The following BLOC1S3 variants were observed in gnomAD, a reference collection of about 807,000 sequenced individuals.
BLOC1S3 encodes biogenesis of lysosome-related organelles complex 1 subunit 3.
BLOC1S3 carries 7 observed loss-of-function variants against 9.1 expected under a neutral mutation model. The ratio of observed to expected loss-of-function variants is 0.77; its 90% CI spans 0.44 to 1.45. The LOEUF (loss-of-function observed/expected upper bound fraction) is 1.45, where lower values mean the gene tolerates loss of function less well. Ranked by LOEUF, BLOC1S3 falls within the 40% of genes most tolerant of loss-of-function variation. The probability of loss-of-function intolerance (pLI) is 0.01; values close to 1 mark genes in which losing one functional copy is unlikely to be tolerated. For missense variants in BLOC1S3, 307 were observed against 315.2 expected (o/e 0.97, Z 0.20); for synonymous variants, 145 against 158.4 (o/e 0.92, Z 0.64).
intron 2 of BLOC1S3, among the ~76,000 whole-genome samples, chr19:45,198,015 G>A (rs1017817180): frequency 2.0e-5 from 3 of 151,974 alleles, no homozygotes; most frequent in Admixed American, 1.3e-4. Flanking sequence ...TGTTGAGCCC[G>A]AGGTCACTGG....
At chr19:45,211,800 GA>G (rs34745825) in intron 3 of BLOC1S3, among the ~76,000 whole-genome samples, 53,588 of 143,748 alleles carry the variant, frequency 0.37, 10,025 homozygotes, top group Middle Eastern at 0.56. Context: ...ACTTCTCAGG[GA>G]AAAAAAAAAA....
chr19:45,216,041 C>A (rs765623086), intron 3 of BLOC1S3: 1 of 1,610,054 alleles, frequency 6.2e-7, no homozygotes, highest in Non-Finnish European at 8.5e-7. Flanking sequence ...CGGCCAGGCA[C>A]GGCGAGCCCT....
chr19:45,204,522 C>T (rs1969713468), intron 3 of BLOC1S3, among the ~76,000 whole-genome samples: 1 of 151,950 alleles, frequency 6.6e-6, no homozygotes, highest in Non-Finnish European at 1.5e-5. Flanking sequence ...TGGAGTTTCT[C>T]AACTAGTTGC....
intron 2 of BLOC1S3, among the ~76,000 whole-genome samples, chr19:45,193,132 C>CAAAAAAAAAAAA (rs71173123): frequency 1.9e-4 from 15 of 77,924 alleles, no homozygotes; most frequent in Admixed American, 3.4e-4. Context: ...AACTCCGTCT[C>CAAAAAAAAAAAA]AAAAAAAAAA....
chr19:45,213,230 G>A (rs762315844), intron 3 of BLOC1S3: 28 of 1,612,174 alleles, frequency 1.7e-5, no homozygotes, highest in East Asian at 2.2e-5. Context: ...AAGAAGGCAC[G>A]GTCCCGAGGG....
chr19:45,188,150 G>A (rs1379071753), intron 2 of BLOC1S3, among the ~76,000 whole-genome samples: 1 of 152,066 alleles, frequency 6.6e-6, no homozygotes, highest in African/African-American at 2.4e-5. Context: ...GGCCTCCCGA[G>A]TAGCTGGGAT....
intron 3 of BLOC1S3, among the ~76,000 whole-genome samples, chr19:45,207,579 A>AAC (rs1568476685): frequency 4.0e-5 from 6 of 148,922 alleles, no homozygotes; most frequent in Non-Finnish European, 6.0e-5. Flanking sequence ...AAAAAAAAAA[A>AAC]AAAAAAACCT....
chr19:45,199,014 G>C (rs1214817352), intron 2 of BLOC1S3: 1 of 151,978 alleles, frequency 6.6e-6, no homozygotes, highest in African/African-American at 2.4e-5. Flanking sequence ...GGCCTCCATT[G>C]TAAGTTATTT....
intron 2 of BLOC1S3, among the ~76,000 whole-genome samples, chr19:45,196,653 G>A (rs1208480733): frequency 6.6e-6 from 1 of 152,146 alleles, no homozygotes; most frequent in Non-Finnish European, 1.5e-5. Context: ...AGCACTTTGG[G>A]AGGCCGAGGC....
chr19:45,213,079 G>A (rs776620722), intron 3 of BLOC1S3: 12 of 1,501,172 alleles, frequency 8.0e-6, no homozygotes, highest in Non-Finnish European at 9.7e-6. Context: ...TCAGCGCTGG[G>A]CCCGAGGTCG....
chr19:45,180,194 A>T lies in BLOC1S3; in HGVS notation c.*289A>T. 3.0e-6 allele frequency: 1 copy of T among 337,112 alleles called. No homozygotes were observed. The highest frequency in any genetic ancestry group is 5.5e-6 in the Non-Finnish European group (1 of 181,098). The allele number at this position is 337,112 out of a possible 1,614,324, so 20.9% of individuals were successfully genotyped here. Reference sequence around the variant, plus strand: ...GGGGCTTGGCTCCAGCCTTTGTTACATAGTTGCTCCTTAATCTGTTTCCAC... The same window carrying T: ...GGGGCTTGGCTCCAGCCTTTGTTACTTAGTTGCTCCTTAATCTGTTTCCAC... On this transcript the variant is annotated 3_prime_UTR_variant, in exon 2 of 2. Transcript: ENST00000433642.
In BLOC1S3 at chr19:45,206,642, A is replaced by C. The variant is rs1377007951; in HGVS notation, n.282+4135A>C. 2.8e-3 allele frequency among the ~76,000 whole-genome samples: 397 copies of C among 142,296 alleles called. 6 individuals are homozygous for C. Among genetic ancestry groups the C allele is most frequent in the Non-Finnish European group, 3.6e-4 (24 of 65,796 alleles). The allele number at this position is 142,296 out of a possible 152,430, so 93.4% of individuals were successfully genotyped here. A position where few individuals can be genotyped will look rare whatever the true frequency, so the allele number is the denominator to read the frequency against. On this transcript the variant is annotated intron_variant and non_coding_transcript_variant, in intron 3 of 3. Transcript: ENST00000591569. ...AGTTAAATTTTTTTTTTTTTTTTTA[A>C]TAGAGATGGTGTCTCATGTGCTGCC...
chr19:45,215,724 T>G (rs997398992), intron 3 of BLOC1S3, among the ~76,000 whole-genome samples: 1 of 152,154 alleles, frequency 6.6e-6, no homozygotes, highest in African/African-American at 2.4e-5. Context: ...CGCCTGCCGC[T>G]GTCCCAGTGC....
chr19:45,208,053 C>A (rs1198507251), intron 3 of BLOC1S3, among the ~76,000 whole-genome samples: 2 of 151,478 alleles, frequency 1.3e-5, no homozygotes, highest in East Asian at 4.0e-4. Context: ...TGGCTCATCG[C>A]AACCTCTACC....
At chr19:45,197,660 C>T (rs8102230) in intron 2 of BLOC1S3, among the ~76,000 whole-genome samples, 60,479 of 150,916 alleles carry the variant, frequency 0.4, 12,955 homozygotes, top group Non-Finnish European at 0.46. Flanking sequence ...ACCCCGTCTC[C>T]ACTAAAATAC....
intron 2 of BLOC1S3, among the ~76,000 whole-genome samples, chr19:45,200,443 A>C (rs1227730406): frequency 6.6e-6 from 1 of 152,170 alleles, no homozygotes; most frequent in Non-Finnish European, 1.5e-5. Context: ...CGGCCTCCCG[A>C]AATGCTGGGA....
chr19:45,179,672 GCCGCCGTGAGCGGTGTCTA>G lies in BLOC1S3; in HGVS notation c.385_403del (p.Ser129GlnfsTer90), dbSNP rs1969482515. 6.8e-7 allele frequency: 1 copy of G among 1,465,954 alleles called. No homozygotes were observed. Among genetic ancestry groups the G allele is most frequent in the Non-Finnish European group, 9.0e-7 (1 of 1,114,514 alleles). 90.8% of individuals were successfully genotyped at this position (1,465,954 alleles called of 1,614,324 possible). The stretch of plus-strand genomic sequence containing the variant: ...GGCGCGGCTGGACCACGACGTGGCG[GCCGCCGTGAGCGGTGTCTA>G]CCGCCGTGCAGGCCGCGACGTGGCC... On this transcript the variant is annotated frameshift_variant, in exon 2 of 2. Coordinates refer to ENST00000433642, the MANE Select transcript of BLOC1S3 (RefSeq NM_212550.5). LOFTEE classifies it high-confidence loss of function. This position sits in a 1 kb window ranked among gnomAD's most constrained non-coding sequence, Gnocchi z 4.6.
intron 2 of BLOC1S3, among the ~76,000 whole-genome samples, chr19:45,195,245 C>T (rs1367463432): frequency 6.6e-6 from 1 of 151,992 alleles, no homozygotes; most frequent in African/African-American, 2.4e-5. Context: ...TCTCACTCTG[C>T]CACCTTCCTA....
chr19:45,183,475 C>CAA (rs56825766), downstream of BLOC1S3, among the ~76,000 whole-genome samples: 124 of 130,258 alleles, frequency 9.5e-4, no homozygotes, highest in African/African-American at 3.2e-3. Context: ...GACTCTGTCT[C>CAA]AAAAAAAAAA....
Sources: allele counts gnomAD v4.1 joint callset (sites outside exome capture counted in the v4.1 genomes callset), GRCh38; gene constraint gnomAD v4.1.1; non-coding constraint Gnocchi (gnomAD v3.1); transcripts MANE v1.5; gene names NCBI Gene and HGNC (gene_info 2026-07-23, HGNC 2026-07-21).